The following KCNH5 variants were observed in gnomAD, a reference collection of about 807,000 sequenced individuals.
The protein encoded by KCNH5 is voltage-gated delayed rectifier potassium channel KCNH5.
In KCNH5, 46 loss-of-function variants were observed where a neutral mutation model predicts 96.1. The observed-to-expected ratio is 0.48, with a 90% confidence interval of 0.38 to 0.61. The LOEUF is 0.61. KCNH5 is among the 20% of genes least tolerant of loss of function. KCNH5 has a pLI of 0.00. For missense variants in KCNH5, 907 were observed against 1,225.8 expected, an observed-to-expected ratio of 0.74 and a Z score of 3.88; for synonymous variants, 439 against 449.8, an observed-to-expected ratio of 0.98 and a Z score of 0.30.
At chr14:62,958,387 A>G (rs1010911053) in intron 6 of KCNH5, among the ~76,000 whole-genome samples, 6 of 152,148 alleles carry the variant, frequency 3.9e-5, no homozygotes, top group African/African-American at 7.2e-5. Context: ...TTCTTCACCA[A>G]TCCATCTCCA....
At chr14:63,029,155 C>T (rs774104124) in intron 1 of KCNH5, among the ~76,000 whole-genome samples, 1 of 152,014 alleles carries the variant, frequency 6.6e-6, no homozygotes, top group Non-Finnish European at 1.5e-5. Context: ...TTTATAAAAC[C>T]GTAGTTGAGT....
chr14:62,914,250 A>C (rs1482432712), intron 7 of KCNH5, among the ~76,000 whole-genome samples: 1 of 152,202 alleles, frequency 6.6e-6, no homozygotes, highest in Non-Finnish European at 1.5e-5. Context: ...GGCCTAATGT[A>C]GTCTGAGATA....
intron 7 of KCNH5, among the ~76,000 whole-genome samples, chr14:62,891,861 G>C (rs1457002513): frequency 6.6e-6 from 1 of 152,092 alleles, no homozygotes; most frequent in Non-Finnish European, 1.5e-5. Context: ...TCACAAACTT[G>C]GCCAATGTAA....
At chr14:62,905,445 T>C (rs1339566183) in intron 7 of KCNH5, among the ~76,000 whole-genome samples, 13 of 152,232 alleles carry the variant, frequency 8.5e-5, no homozygotes, top group African/African-American at 2.4e-5. Context: ...GGATTTGTTC[T>C]TATTTTTTCC....
chr14:63,034,382 A>G (rs1891684174), intron 1 of KCNH5, among the ~76,000 whole-genome samples: 1 of 152,200 alleles, frequency 6.6e-6, no homozygotes, highest in African/African-American at 2.4e-5. Context: ...TCATGCCCAC[A>G]TCCACAATGT....
intron 10 of KCNH5, among the ~76,000 whole-genome samples, chr14:62,714,335 T>C (rs1219518944): frequency 6.6e-6 from 1 of 152,140 alleles, no homozygotes; most frequent in Non-Finnish European, 1.5e-5. Flanking sequence ...ATTTTTAACA[T>C]GCATATAGTA....
rs553161342 is a variant in KCNH5 at position 62,840,952 on chromosome 14, C to T, written c.1569+8701G>A. On this transcript the variant is annotated intron_variant, in intron 8 of 10. Coordinates refer to ENST00000322893, the MANE Select transcript of KCNH5 (RefSeq NM_139318.5). ...CAACCTGTTGCTGCCTTCTGCTGTG[C>T]CAGACAATGATGCCCATGGTTATTT... Among the ~76,000 whole-genome samples the T allele has an allele frequency of 2.0e-5, 3 of 152,068 alleles. No individual in the cohort carries two copies. In the East Asian group the frequency reaches 5.8e-4, roughly 29 times the overall value.
chr14:62,950,351 T>C lies in KCNH5; in HGVS notation c.1151A>G (p.Gln384Arg). The change falls in exon 7 of 11, where the codon CAA becomes CGA. Residue 384 changes from glutamine (Q) to arginine (R), a missense_variant. By Grantham distance (43) the Gln-to-Arg change is conservative. Coordinates refer to ENST00000322893, the MANE Select transcript of KCNH5 (RefSeq NM_139318.5). Reference protein sequence around the residue: ...EVIDEVTNTIQIDSWLYQLAL... With the variant: ...EVIDEVTNTIRIDSWLYQLAL... The stretch of plus-strand genomic sequence containing the variant: ...CAGCTGGTAGAGCCAACTGTCTATT[T>C]GGATGGTGTTAGTGACTTCATCAAT... The C allele has an allele frequency of 6.2e-7, 1 of 1,614,088 alleles. No homozygotes were observed. The highest frequency in any genetic ancestry group is 8.5e-7 in the Non-Finnish European group (1 of 1,179,972).
chr14:62,963,319 T>C (rs1455693065), intron 6 of KCNH5, among the ~76,000 whole-genome samples: 2 of 152,110 alleles, frequency 1.3e-5, no homozygotes, highest in African/African-American at 4.8e-5. Context: ...GTTTCAGGCC[T>C]CCACTGGGGG....
At chr14:62,972,922 TA>T (rs1326021194) in intron 6 of KCNH5, among the ~76,000 whole-genome samples, 4 of 152,342 alleles carry the variant, frequency 2.6e-5, no homozygotes, top group African/African-American at 9.6e-5. Flanking sequence ...TGTGATGCTG[TA>T]ATGGAGGATA....
chr14:62,980,881 A>G lies in KCNH5; in HGVS notation c.933T>C (p.Asn311=). 1 of 1,613,268 alleles carries G rather than the reference A, an allele frequency of 6.2e-7. No homozygotes were observed. The highest frequency in any genetic ancestry group is 8.5e-7 in the Non-Finnish European group (1 of 1,179,864). ...LPYDIINAFE[N]VDEGISSLFS... ...AAAACGAAAAACTTACCTCATCCAC[A>G]TTTTCAAAGGCATTGATGATGTCAT... Residue 311 remains asparagine, a synonymous_variant, in exon 6 of 11, where the codon AAT becomes AAC. Coordinates refer to ENST00000322893, the MANE Select transcript of KCNH5 (RefSeq NM_139318.5).
chr14:62,805,670 T>C (rs1193167839), intron 8 of KCNH5, among the ~76,000 whole-genome samples: 3 of 152,182 alleles, frequency 2.0e-5, no homozygotes, highest in Non-Finnish European at 2.9e-5. Context: ...TATTCTGCCT[T>C]GAATATCAGA....
At chr14:62,845,474 T>C (rs1434095169) in intron 8 of KCNH5, among the ~76,000 whole-genome samples, 1 of 152,172 alleles carries the variant, frequency 6.6e-6, no homozygotes, top group Non-Finnish European at 1.5e-5. Flanking sequence ...CACACATACA[T>C]AGAAAGTTTT....
At chr14:62,781,670 T>C (rs1278595004) in intron 9 of KCNH5, among the ~76,000 whole-genome samples, 1 of 152,238 alleles carries the variant, frequency 6.6e-6, no homozygotes, top group Admixed American at 6.5e-5. Flanking sequence ...GAACTATGGC[T>C]CTGTTCCGCC....
At chr14:62,789,533 T>C (rs1886388665) in intron 9 of KCNH5, among the ~76,000 whole-genome samples, 2 of 151,990 alleles carry the variant, frequency 1.3e-5, no homozygotes. Context: ...TGCTCCAAAC[T>C]ACACTCCCAC....
intron 9 of KCNH5, among the ~76,000 whole-genome samples, chr14:62,797,269 T>C (rs1012085347): frequency 6.6e-6 from 1 of 152,200 alleles, no homozygotes; most frequent in Non-Finnish European, 1.5e-5. Context: ...TAAAAGTGTA[T>C]ATTTTGAACC....
At chr14:62,925,448 ATTATATTTATCC>A in intron 7 of KCNH5, among the ~76,000 whole-genome samples, 1 of 152,136 alleles carries the variant, frequency 6.6e-6, no homozygotes, top group Non-Finnish European at 1.5e-5. Flanking sequence ...AAAGTATACT[ATTATATTTATCC>A]TTTCCTCTTG....
intron 7 of KCNH5, among the ~76,000 whole-genome samples, chr14:62,914,262 T>C (rs1317403713): frequency 6.6e-6 from 1 of 152,178 alleles, no homozygotes; most frequent in East Asian, 1.9e-4. Context: ...TCTGAGATAG[T>C]CTCACTCATG....
chr14:62,819,199 T>C (rs1029995361), intron 8 of KCNH5, among the ~76,000 whole-genome samples: 35 of 152,208 alleles, frequency 2.3e-4, no homozygotes, highest in Middle Eastern at 3.4e-3. Flanking sequence ...GATCTCCTGA[T>C]CTCGTGATCC....
Sources: allele counts gnomAD v4.1 joint callset (sites outside exome capture counted in the v4.1 genomes callset), GRCh38; gene constraint gnomAD v4.1.1; transcripts MANE v1.5; gene names NCBI Gene and HGNC (gene_info 2026-07-23, HGNC 2026-07-21).